SRRM4: variants seen among roughly 807,000 people sequenced by gnomAD.
The protein encoded by SRRM4 is serine/arginine repetitive matrix protein 4.
Under a neutral mutation model 68.9 loss-of-function variants are expected in SRRM4, and 33 were observed. The ratio of observed to expected loss-of-function variants is 0.48; its 90% CI spans 0.36 to 0.64. The LOEUF (loss-of-function observed/expected upper bound fraction) is 0.64. Ranked by LOEUF, SRRM4 falls within the 30% of genes least tolerant of loss-of-function variation. SRRM4 has a pLI of 0.00. For missense variants in SRRM4, 817 were observed against 827.1 expected (o/e 0.99, Z 0.15); for synonymous variants, 318 against 318.8 (o/e 1.00, Z 0.03).
chr12:119,127,941 A>C (rs1168671642), intron 7 of SRRM4, among the ~76,000 whole-genome samples: 1 of 152,114 alleles, frequency 6.6e-6, no homozygotes, highest in Non-Finnish European at 1.5e-5. Context: ...TGCCCTTTTC[A>C]ATCACTTGGG....
chr12:119,150,762 C>T (rs1425247416), intron 9 of SRRM4, among the ~76,000 whole-genome samples: 1 of 152,148 alleles, frequency 6.6e-6, no homozygotes, highest in Non-Finnish European at 1.5e-5. Context: ...TAAAATACTC[C>T]ACTGTGGCCC....
chr12:119,115,162 G>A (rs746901993), intron 3 of SRRM4, among the ~76,000 whole-genome samples: 1 of 151,962 alleles, frequency 6.6e-6, no homozygotes, highest in Non-Finnish European at 1.5e-5. Context: ...GGGGCTTGAC[G>A]CCAGGTTCTC....
At chr12:119,005,560 C>T (rs1181211507) in intron 1 of SRRM4, among the ~76,000 whole-genome samples, 1 of 152,214 alleles carries the variant, frequency 6.6e-6, no homozygotes, top group African/African-American at 2.4e-5. Context: ...TGTATATTTA[C>T]ATCTCTGTCC....
At chr12:119,012,886 G>C (rs1034758623) in intron 1 of SRRM4, among the ~76,000 whole-genome samples, 50 of 152,100 alleles carry the variant, frequency 3.3e-4, no homozygotes, top group Admixed American at 3.2e-3. Flanking sequence ...CCAAGACACA[G>C]ACAGACCCAA....
intron 1 of SRRM4, among the ~76,000 whole-genome samples, chr12:119,050,216 G>A (rs1525973): frequency 3.5e-4 from 53 of 152,296 alleles, no homozygotes; most frequent in African/African-American, 1.2e-3. Flanking sequence ...TACTGAGAAA[G>A]GACAGCAAGG....
rs192977447 is a variant in SRRM4, at chr12:119,104,946, T to A, written c.278+2564T>A. Among the ~76,000 whole-genome samples the A allele has an allele frequency of 6.1e-3, 911 of 150,078 alleles. 8 individuals are homozygous for A. The highest frequency in any genetic ancestry group is 0.021 in the African/African-American group (848 of 40,900). On this transcript the variant is annotated intron_variant, in intron 2 of 12. Coordinates refer to ENST00000267260, the MANE Select transcript of SRRM4 (RefSeq NM_194286.4). ...TAACTCGTCATTTACATTAGGTATA[T>A]CTCCTAATGCAATCCCTCCCCCCTC...
intron 1 of SRRM4, among the ~76,000 whole-genome samples, chr12:118,994,768 G>C (rs779485867): frequency 6.6e-6 from 1 of 152,178 alleles, no homozygotes; most frequent in Admixed American, 6.5e-5. Context: ...TCCTTAACTC[G>C]AGTGGTTGCT....
chr12:119,132,597 C>T (rs1179293671), intron 8 of SRRM4, among the ~76,000 whole-genome samples: 1 of 152,206 alleles, frequency 6.6e-6, no homozygotes, highest in Non-Finnish European at 1.5e-5. Flanking sequence ...TGTCCTCCCA[C>T]ACAAGCTGGG....
chr12:118,987,035 G>A (rs1192646428), intron 1 of SRRM4, among the ~76,000 whole-genome samples: 1 of 152,162 alleles, frequency 6.6e-6, no homozygotes, highest in Non-Finnish European at 1.5e-5. Context: ...TCGCTGAAGT[G>A]TGAGAGAATA....
chr12:119,073,577 G>A (rs780852684), intron 1 of SRRM4, among the ~76,000 whole-genome samples: 9 of 151,750 alleles, frequency 5.9e-5, no homozygotes, highest in East Asian at 3.9e-4. Context: ...TACCCACCTC[G>A]GCTTCCCAAA....
rs551599946 is a variant in SRRM4, at chr12:119,117,293, A to C, written c.437+285A>C. Reference sequence around the variant, plus strand: ...GGCTAGAACAAGGAGTGGAAAGCTGACAGGACCCACCTGGGACCTGAAGTG... The same window carrying C: ...GGCTAGAACAAGGAGTGGAAAGCTGCCAGGACCCACCTGGGACCTGAAGTG... On this transcript the variant is annotated intron_variant, in intron 4 of 12. Transcript: ENST00000267260. 3.3e-5 allele frequency among the ~76,000 whole-genome samples: 5 copies of C among 152,230 alleles called. No homozygotes were observed. The South Asian group carries it at 6.2e-4, about 19-fold the overall frequency.
intron 1 of SRRM4, among the ~76,000 whole-genome samples, chr12:119,007,607 G>A (rs984233867): frequency 2.0e-5 from 3 of 152,150 alleles, no homozygotes; most frequent in African/African-American, 7.2e-5. Context: ...TCACCCATCT[G>A]CTGTTGTTGG....
chr12:119,138,031 T>A (rs1228346650), intron 8 of SRRM4, among the ~76,000 whole-genome samples: 1 of 151,848 alleles, frequency 6.6e-6, no homozygotes, highest in African/African-American at 2.4e-5. Context: ...AACTTAGAGG[T>A]CTTGGTGGCC....
intron 1 of SRRM4, among the ~76,000 whole-genome samples, chr12:119,075,581 G>A (rs199587055): frequency 1.4e-5 from 2 of 144,054 alleles, no homozygotes; most frequent in Non-Finnish European, 3.1e-5. Flanking sequence ...GGTGATGATG[G>A]TGATGATGAT....
intron 1 of SRRM4, among the ~76,000 whole-genome samples, chr12:119,066,889 A>C (rs1266686229): frequency 6.6e-6 from 1 of 152,110 alleles, no homozygotes; most frequent in Non-Finnish European, 1.5e-5. Flanking sequence ...CATGATTCTT[A>C]TGTGCACACA....
chr12:119,136,769 G>A (rs936487784), intron 8 of SRRM4, among the ~76,000 whole-genome samples: 3 of 152,144 alleles, frequency 2.0e-5, no homozygotes, highest in Admixed American at 2.0e-4. Context: ...TGGGCAGGGG[G>A]TCCTCAGGAG....
Position 119,057,999 on chromosome 12 carries a change from G to T in SRRM4, c.132-44237G>T, listed in dbSNP as rs557996225. 3.9e-4 allele frequency among the ~76,000 whole-genome samples: 60 copies of T among 152,140 alleles called. 1 individual carries two copies. The highest frequency in any genetic ancestry group is 1.3e-3 in the Admixed American group (20 of 15,256). On this transcript the variant is annotated intron_variant, in intron 1 of 12. Transcript: ENST00000267260. ...ATCTCCTGGAAAATAGACTCTCTGG[G>T]CTGATTCTTGACCTACAGATTTAAA... is the stretch of plus-strand genomic sequence containing the variant.
chr12:119,110,606 G>A (rs2136045989), intron 2 of SRRM4, among the ~76,000 whole-genome samples: 1 of 152,330 alleles, frequency 6.6e-6, no homozygotes, highest in South Asian at 2.1e-4. Context: ...AGGCTCCGTG[G>A]GCATGGGACC....
At chr12:119,076,346 G>C (rs1830102320) in intron 1 of SRRM4, among the ~76,000 whole-genome samples, 1 of 152,038 alleles carries the variant, frequency 6.6e-6, no homozygotes, top group South Asian at 2.1e-4. Context: ...AAATGGCTTT[G>C]AGAGGGTTAT....
Sources: allele counts gnomAD v4.1 joint callset (sites outside exome capture counted in the v4.1 genomes callset), GRCh38; gene constraint gnomAD v4.1.1; transcripts MANE v1.5; gene names NCBI Gene and HGNC (gene_info 2026-07-23, HGNC 2026-07-21).